PCDH7: variants seen among roughly 807,000 people sequenced by gnomAD.
PCDH7 encodes the protein protocadherin 7.
A neutral mutation model predicts 58.9 loss-of-function variants in PCDH7; 17 were observed. That is an observed-to-expected ratio of 0.29 (90% confidence interval 0.20 to 0.43). The LOEUF is 0.43. Ranked by LOEUF, PCDH7 falls within the 20% of genes least tolerant of loss-of-function variation. The probability of loss-of-function intolerance (pLI) is 1.00; values close to 1 mark genes in which losing one functional copy is unlikely to be tolerated. For missense variants in PCDH7, 1,274 were observed against 1,441.0 expected (o/e 0.88, Z 1.88); for synonymous variants, 664 against 616.4 (o/e 1.08, Z -1.14).
At chr4:31,053,511 G>T (rs1296314210) in intron 3 of PCDH7, among the ~76,000 whole-genome samples, 1 of 152,064 alleles carries the variant, frequency 6.6e-6, no homozygotes, top group Non-Finnish European at 1.5e-5. Flanking sequence ...AAGGTGGGAG[G>T]ATCACTTAAG....
intron 3 of PCDH7, among the ~76,000 whole-genome samples, chr4:31,019,961 T>A (rs560001575): frequency 1.1e-4 from 16 of 152,086 alleles, no homozygotes; most frequent in African/African-American, 3.9e-4. Flanking sequence ...AATGTTTCAT[T>A]TTGAAAGCAA....
intron 1 of PCDH7, among the ~76,000 whole-genome samples, chr4:30,916,067 A>G (rs1742432101): frequency 6.6e-6 from 1 of 152,138 alleles, no homozygotes; most frequent in Non-Finnish European, 1.5e-5. Context: ...GAGTTTCTTA[A>G]ATGTGTAGAA....
chr4:30,779,262 C>T (rs1722482903), intron 1 of PCDH7, among the ~76,000 whole-genome samples: 1 of 151,924 alleles, frequency 6.6e-6, no homozygotes, highest in Admixed American at 6.6e-5. Context: ...TACACTCAGG[C>T]AATCTGCCCG....
intron 3 of PCDH7, among the ~76,000 whole-genome samples, chr4:31,105,851 C>CA (rs1210490517): frequency 4.0e-5 from 6 of 151,522 alleles, no homozygotes; most frequent in African/African-American, 1.5e-4. Flanking sequence ...ACTAAAAATA[C>CA]AAAAAATTAG....
intron 3 of PCDH7, among the ~76,000 whole-genome samples, chr4:31,140,582 C>G (rs1036167919): frequency 6.7e-6 from 1 of 148,924 alleles, no homozygotes; most frequent in African/African-American, 2.5e-5. Context: ...CCTTTTTTCC[C>G]CCTGTTCAAA....
At chr4:30,886,506 C>T (rs1192014546) in intron 1 of PCDH7, among the ~76,000 whole-genome samples, 1 of 144,044 alleles carries the variant, frequency 6.9e-6, no homozygotes, top group African/African-American at 2.6e-5. Context: ...GAAATAGGAA[C>T]CCTTTTACAC....
chr4:30,824,115 C>T (rs550798394), intron 1 of PCDH7, among the ~76,000 whole-genome samples: 1 of 142,070 alleles, frequency 7.0e-6, no homozygotes, highest in African/African-American at 2.6e-5. Flanking sequence ...TTCTTTCTTT[C>T]TTTCTTTCTT....
intron 3 of PCDH7, among the ~76,000 whole-genome samples, chr4:31,078,065 T>C (rs1297673084): frequency 6.6e-6 from 1 of 152,036 alleles, no homozygotes; most frequent in African/African-American, 2.4e-5. Flanking sequence ...CTAACAAGGG[T>C]CAATTGGTGT....
chr4:30,907,924 A>C (rs538764466), intron 1 of PCDH7, among the ~76,000 whole-genome samples: 2 of 152,330 alleles, frequency 1.3e-5, no homozygotes, highest in South Asian at 4.1e-4. Context: ...GCAGCCATAA[A>C]AAGAATGAGT....
intron 1 of PCDH7, among the ~76,000 whole-genome samples, chr4:30,911,693 C>T (rs1382221581): frequency 1.3e-5 from 2 of 151,904 alleles, no homozygotes; most frequent in African/African-American, 4.8e-5. Context: ...TCATTAGTGG[C>T]GGAAAAAACC....
intron 3 of PCDH7, among the ~76,000 whole-genome samples, chr4:31,049,882 T>C (rs571090594): frequency 3.0e-4 from 46 of 152,252 alleles, no homozygotes; most frequent in Middle Eastern, 3.4e-3. Flanking sequence ...ATCAAATGTC[T>C]ACCCCAAGCT....
At chr4:31,032,366 G>A (rs925237368) in intron 3 of PCDH7, among the ~76,000 whole-genome samples, 1 of 152,118 alleles carries the variant, frequency 6.6e-6, no homozygotes, top group Non-Finnish European at 1.5e-5. Flanking sequence ...CCAGCACTTT[G>A]GGAGGCCAAG....
intron 1 of PCDH7, among the ~76,000 whole-genome samples, chr4:30,773,918 T>C (rs1270783365): frequency 6.6e-6 from 1 of 152,156 alleles, no homozygotes; most frequent in African/African-American, 2.4e-5. Context: ...TTTTAATTTT[T>C]ATGACATTGG....
intron 1 of PCDH7, among the ~76,000 whole-genome samples, chr4:30,744,656 A>C (rs1717538043): frequency 6.6e-6 from 1 of 152,230 alleles, no homozygotes; most frequent in African/African-American, 2.4e-5. Context: ...CACTTGGCTC[A>C]CAAGAGTTAG....
At chr4:31,084,519 C>T (rs921621509) in intron 3 of PCDH7, among the ~76,000 whole-genome samples, 2 of 151,152 alleles carry the variant, frequency 1.3e-5, no homozygotes, top group African/African-American at 4.9e-5. Flanking sequence ...TTAATTGGCT[C>T]ATGGTTCTGC....
chr4:31,054,258 G>T (rs562299806), intron 3 of PCDH7, among the ~76,000 whole-genome samples: 1 of 152,106 alleles, frequency 6.6e-6, no homozygotes, highest in African/African-American at 2.4e-5. Context: ...AAGCCACCAC[G>T]TCCGGCCCTT....
intron 1 of PCDH7, among the ~76,000 whole-genome samples, chr4:30,893,396 G>A (rs1738869487): frequency 6.6e-6 from 1 of 151,918 alleles, no homozygotes; most frequent in South Asian, 2.1e-4. Flanking sequence ...TATATATATG[G>A]TGAAATTCTT....
At chr4:30,874,470 C>T (rs1736025174) in intron 1 of PCDH7, among the ~76,000 whole-genome samples, 3 of 145,400 alleles carry the variant, frequency 2.1e-5, no homozygotes, top group South Asian at 4.3e-4. Context: ...TGTTCTCACT[C>T]ATAGGTGGGA....
At chr4:30,896,185 C>T (rs753635762) in intron 1 of PCDH7, among the ~76,000 whole-genome samples, 4 of 151,936 alleles carry the variant, frequency 2.6e-5, no homozygotes, top group Admixed American at 6.6e-5. Flanking sequence ...CATTTTGGAC[C>T]GTAAATTTGG....
Sources: gnomAD v4.1 joint callset for allele counts (sites outside exome capture counted in the v4.1 genomes callset) on GRCh38, gnomAD v4.1.1 for gene constraint, MANE v1.5 for transcripts, NCBI Gene and HGNC (gene_info 2026-07-23, HGNC 2026-07-21) for gene names.